Variants in CSRP1 observed in about 807,000 individuals in gnomAD.
CSRP1 encodes the protein cysteine and glycine rich protein 1.
A neutral mutation model predicts 25.4 loss-of-function variants in CSRP1; 16 were observed. The ratio of observed to expected loss-of-function variants is 0.63; its 90% CI spans 0.43 to 0.96. CSRP1 has a LOEUF of 0.96. Ranked by LOEUF, CSRP1 falls within the 40% of genes least tolerant of loss-of-function variation. The probability of loss-of-function intolerance (pLI) is 0.00; values close to 1 mark genes in which losing one functional copy is unlikely to be tolerated. For missense variants in CSRP1, 212 were observed against 243.6 expected (o/e 0.87, Z 0.86); for synonymous variants, 97 against 95.3 (o/e 1.02, Z -0.10).
At chr1:201,491,262 C>A (rs1172839873) in intron 2 of CSRP1, 1 of 151,994 alleles carries the variant, frequency 6.6e-6, no homozygotes, top group African/African-American at 2.4e-5. Flanking sequence ...ATAACCCTGT[C>A]TCTATTTATT....
intron 1 of CSRP1, among the ~76,000 whole-genome samples, chr1:201,506,231 G>A (rs1200064172): frequency 2.6e-5 from 4 of 152,150 alleles, no homozygotes; most frequent in Admixed American, 2.0e-4. Flanking sequence ...AGCGTGGGGA[G>A]AGCCTGCCCA....
At chr1:201,486,985 A>G in intron 4 of CSRP1, 1 of 1,301,488 alleles carries the variant, frequency 7.7e-7, no homozygotes, top group South Asian at 1.2e-5. Flanking sequence ...AGTCAATGGC[A>G]AGGATCTTCA....
chr1:201,502,028 T>TAA (rs1553232871), intron 1 of CSRP1, among the ~76,000 whole-genome samples: 6 of 139,726 alleles, frequency 4.3e-5, no homozygotes, highest in Non-Finnish European at 4.9e-5. Context: ...AATAAATAAA[T>TAA]AAAGTCTGGC....
chr1:201,483,552 G>GTTT lies in CSRP1; in HGVS notation c.*1160_*1161insAAA, dbSNP rs1300236477. 2 of 163,688 alleles carry GTTT rather than the reference G, an allele frequency of 1.2e-5. No homozygotes were observed. Among genetic ancestry groups the GTTT allele is most frequent in the African/African-American group, 4.8e-5 (2 of 41,964 alleles). 10.1% of individuals were successfully genotyped at this position (163,688 alleles called of 1,614,324 possible). On this transcript the variant is annotated 3_prime_UTR_variant, in exon 6 of 6. Coordinates refer to ENST00000340006, the MANE Select transcript of CSRP1 (RefSeq NM_004078.3). ...GAGTTCTGGTCTAAACAGCTTTATT[G>GTTT]ACCAGATGAGAAATCAGCTTGGGTA...
chr1:201,490,041 G>C (rs771368609), intron 3 of CSRP1, 135 bp downstream of exon 3: 3 of 877,212 alleles, frequency 3.4e-6, no homozygotes, highest in Non-Finnish European at 5.2e-6. Flanking sequence ...ACACTGCTCT[G>C]TGACTGCCTT....
At chr1:201,489,982 G>A (rs1664278120) in intron 3 of CSRP1, 194 bp downstream of exon 3, 1 of 557,652 alleles carries the variant, frequency 1.8e-6, no homozygotes, top group East Asian at 2.8e-5. Context: ...AGCCCAGCCT[G>A]TTTTAGTCCC....
chr1:201,484,459 G>A lies in CSRP1; in HGVS notation c.*254C>T. The A allele has an allele frequency of 1.8e-6, 1 of 561,202 alleles. No individual in the cohort carries two copies. Among genetic ancestry groups the A allele is most frequent in the South Asian group, 2.4e-5 (1 of 42,130 alleles). The allele number at this position is 561,202 out of a possible 1,614,324, so 34.8% of individuals were successfully genotyped here. A position where few individuals can be genotyped will look rare whatever the true frequency, so the allele number is the denominator to read the frequency against. Reference sequence around the variant, plus strand: ...GGGCGAGGTGTGGGGAGAGGGGCCTGCTCTCACCTAGACCCAAAACACTGA... The same window carrying A: ...GGGCGAGGTGTGGGGAGAGGGGCCTACTCTCACCTAGACCCAAAACACTGA... On this transcript the variant is annotated 3_prime_UTR_variant, in exon 6 of 6. Transcript: ENST00000340006.
At chr1:201,501,407 C>T (rs2102415351) in intron 1 of CSRP1, among the ~76,000 whole-genome samples, 1 of 152,312 alleles carries the variant, frequency 6.6e-6, no homozygotes, top group East Asian at 1.9e-4. Flanking sequence ...CTGTGATGTC[C>T]CATTTCACTC....
At position 201,486,520 on chromosome 1, in the gene CSRP1, G is replaced by A. The variant is rs943214422; in HGVS notation, c.412-1144C>T. 8.1e-6 allele frequency: 8 copies of A among 985,490 alleles called. No homozygotes were observed. In the African/African-American group the frequency reaches 1.2e-4, roughly 15 times the overall value. 61.0% of individuals were successfully genotyped at this position (985,490 alleles called of 1,614,324 possible). On this transcript the variant is annotated intron_variant, in intron 4 of 5. Transcript: ENST00000340006. ...CTTCTCCTCCAGAGAGCTGAAATGG[G>A]GGGACCTGGGTCTAGGTCAGTGCTG...
intron 2 of CSRP1, 79 bp from the exon 3 acceptor site, chr1:201,490,423 T>G (rs1664301691): frequency 7.0e-7 from 1 of 1,423,412 alleles, no homozygotes; most frequent in South Asian, 1.2e-5. Context: ...TTCTTACAGC[T>G]GAAGCTCTCT....
intron 3 of CSRP1, 148 bp downstream of exon 3, chr1:201,490,028 T>C: frequency 1.3e-6 from 1 of 762,012 alleles, no homozygotes; most frequent in Admixed American, 2.8e-5. Context: ...GCCTGACACA[T>C]AGACACTGCT....
At chr1:201,485,422 G>A (rs750113470) in intron 4 of CSRP1, 46 bp from the exon 5 acceptor site, 8 of 1,561,232 alleles carry the variant, frequency 5.1e-6, no homozygotes, top group Non-Finnish European at 7.1e-6. Flanking sequence ...AGTGATGAGG[G>A]TACCCTCCAC....
rs1384050210 is a variant in CSRP1 at position 201,490,531 on chromosome 1, C to A, written c.113-187G>T. 3 of 570,494 alleles carry A rather than the reference C, an allele frequency of 5.3e-6. No homozygotes were observed. The Admixed American group carries it at 9.0e-5, about 17-fold the overall frequency. The allele number at this position is 570,494 out of a possible 1,614,324, so 35.3% of individuals were successfully genotyped here. A position where few individuals can be genotyped will look rare whatever the true frequency, so the allele number is the denominator to read the frequency against. ...GGGTGGGAGGACAGAGGGATGGGATCTGCATATCCGACTCTAGAAATGCTG... is the reference window on the plus strand; with the variant it reads ...GGGTGGGAGGACAGAGGGATGGGATATGCATATCCGACTCTAGAAATGCTG... On this transcript the variant is annotated intron_variant, in intron 2 of 5. Coordinates refer to ENST00000340006, the MANE Select transcript of CSRP1 (RefSeq NM_004078.3).
intron 2 of CSRP1, among the ~76,000 whole-genome samples, chr1:201,493,472 T>A (rs560821657): frequency 2.2e-4 from 33 of 152,386 alleles, no homozygotes; most frequent in Non-Finnish European, 4.6e-4. Context: ...CAAGCTCTCT[T>A]GCCTGCTGCC....
chr1:201,487,022 A>T, intron 4 of CSRP1: 1 of 1,284,506 alleles, frequency 7.8e-7, no homozygotes, highest in African/African-American at 1.5e-5. Context: ...ATCCCTGAAA[A>T]TAAACAACAA....
chr1:201,489,101 G>C, intron 3 of CSRP1, 117 bp from the exon 4 acceptor site: 1 of 1,378,758 alleles, frequency 7.3e-7, no homozygotes, highest in Admixed American at 2.1e-5. Flanking sequence ...AATTCTCTCT[G>C]CCAAAGTCAC....
intron 1 of CSRP1, among the ~76,000 whole-genome samples, chr1:201,499,631 TTCAAGATGGAGTC>T (rs1664608167): frequency 6.6e-6 from 1 of 152,164 alleles, no homozygotes; most frequent in African/African-American, 2.4e-5. Flanking sequence ...TCTTTATTTT[TTCAAGATGGAGTC>T]TCACTCTGTC....
chr1:201,507,025 G>T (rs1364469246), intron 1 of CSRP1, 45 bp downstream of exon 1: 4 of 152,168 alleles, frequency 2.6e-5, no homozygotes, highest in African/African-American at 9.7e-5. Context: ...GTGCCCAGGC[G>T]CCCCTCCGCG....
intron 1 of CSRP1, among the ~76,000 whole-genome samples, chr1:201,502,863 A>G (rs1557977462): frequency 6.6e-6 from 1 of 152,036 alleles, no homozygotes; most frequent in Non-Finnish European, 1.5e-5. Flanking sequence ...TGCAGGGCGC[A>G]GTGGCTCATT....
Sources: allele counts gnomAD v4.1 joint callset (sites outside exome capture counted in the v4.1 genomes callset), GRCh38; gene constraint gnomAD v4.1.1; transcripts MANE v1.5; gene names NCBI Gene and HGNC (gene_info 2026-07-23, HGNC 2026-07-21).